Variants in FANCM observed in about 807,000 individuals in gnomAD.
FANCM encodes the protein FA complementation group M, also known as Fanconi anemia group M protein.
Under a neutral mutation model 199.5 loss-of-function variants are expected in FANCM, and 140 were observed. That is an observed-to-expected ratio of 0.70 (90% confidence interval 0.61 to 0.81). FANCM has a LOEUF of 0.81. FANCM is among the 30% of genes least tolerant of loss of function. FANCM has a pLI of 0.00. For synonymous variants in FANCM, 840 were observed against 836.8 expected (o/e 1.00, Z -0.07); for missense variants, 2,410 against 2,421.4 (o/e 1.00, Z 0.10).
At position 45,196,624 on chromosome 14, in the gene FANCM, T is replaced by G. The variant is rs996400146; in HGVS notation, c.5716+77T>G. On this transcript the variant is annotated intron_variant, in intron 21 of 22. Coordinates refer to ENST00000267430, the MANE Select transcript of FANCM (RefSeq NM_020937.4). The stretch of plus-strand genomic sequence containing the variant: ...TTAACTTAGTTTATTCTTCTATTAT[T>G]AGGATGTGGGAAACTCTTAAAATAT... The G allele has an allele frequency of 4.9e-6, 7 of 1,415,164 alleles. No individual in the cohort carries two copies. The Middle Eastern group carries it at 7.0e-4, about 142-fold the overall frequency. 87.7% of individuals were successfully genotyped at this position (1,415,164 alleles called of 1,614,324 possible).
chr14:45,156,875 G>A (rs925651474), intron 8 of FANCM, among the ~76,000 whole-genome samples: 2 of 134,194 alleles, frequency 1.5e-5, no homozygotes, highest in African/African-American at 5.9e-5. Flanking sequence ...CCAAGATTGC[G>A]CCACTGCACT....
chr14:45,188,876 A>C lies in FANCM; in HGVS notation c.4854A>C (p.Ser1618=). ...AAGAGGAGTCTTGCAAAGGCCAATCAAGTGAAGAAGAAGTTTGTGTTGATT... is the reference window on the plus strand; with the variant it reads ...AAGAGGAGTCTTGCAAAGGCCAATCCAGTGAAGAAGAAGTTTGTGTTGATT... ...VDEEESCKGQ[S]SEEEVCVDFN... The change falls in exon 20 of 23, where the codon TCA becomes TCC. Residue 1618 remains serine (S), a synonymous_variant. Transcript: ENST00000267430. The C allele has an allele frequency of 6.2e-7, 1 of 1,613,792 alleles. No homozygotes were observed. The highest frequency in any genetic ancestry group is 2.2e-5 in the East Asian group (1 of 44,844).
At chr14:45,139,272 A>G (rs750487843) in intron 2 of FANCM, among the ~76,000 whole-genome samples, 4 of 152,204 alleles carry the variant, frequency 2.6e-5, no homozygotes, top group African/African-American at 4.8e-5. Context: ...TTCATATGCA[A>G]TCTGTACCAT....
intron 12 of FANCM, among the ~76,000 whole-genome samples, chr14:45,172,725 G>T (rs1888419685): frequency 6.6e-6 from 1 of 152,110 alleles, no homozygotes; most frequent in Non-Finnish European, 1.5e-5. Context: ...ACTGATCAAA[G>T]GTTGTAGATG....
chr14:45,190,620 C>G (rs899619321), intron 20 of FANCM, among the ~76,000 whole-genome samples: 3 of 152,124 alleles, frequency 2.0e-5, no homozygotes, highest in African/African-American at 7.2e-5. Context: ...TTCTACTTCT[C>G]TTTATCCCCA....
Position 45,176,356 on chromosome 14 carries a change from T to G in FANCM, c.3602T>G (p.Phe1201Cys). 1 of 1,613,536 alleles carries G rather than the reference T, an allele frequency of 6.2e-7. No individual in the cohort carries two copies. Among genetic ancestry groups the G allele is most frequent in the African/African-American group, 1.3e-5 (1 of 75,058 alleles). ...QDQITRDANS[F>C]KSRDQRGVQE... ...CAAATCACCCGTGATGCTAATAGTTTTAAATCTCGTGATCAGAGAGGTGTA... is the reference window on the plus strand; with the variant it reads ...CAAATCACCCGTGATGCTAATAGTTGTAAATCTCGTGATCAGAGAGGTGTA... The change falls in exon 14 of 23, where the codon TTT (phenylalanine) becomes TGT (cysteine). Residue 1201 changes from phenylalanine (F) to cysteine (C), a missense_variant. Transcript: ENST00000267430.
rs1240774379 is a variant in FANCM, at chr14:45,159,252, A to T, written c.1553A>T (p.Lys518Met). The T allele has an allele frequency of 1.2e-6, 2 of 1,613,482 alleles. No homozygotes were observed. The highest frequency in any genetic ancestry group is 2.7e-5 in the African/African-American group (2 of 74,928). ...FVGHASGKSTKGFTQKEQLEV... is the reference protein window; with the variant it reads ...FVGHASGKSTMGFTQKEQLEV... ...GGCCATGCCTCAGGGAAAAGCACGA[A>T]GGGTTTTACCCAGAAGGAGCAACTG... Residue 518 changes from lysine to methionine, a missense_variant, in exon 9 of 23, where the codon AAG becomes ATG. Transcript: ENST00000267430.
At chr14:45,161,579 G>C (rs977920832) in intron 9 of FANCM, among the ~76,000 whole-genome samples, 1 of 152,086 alleles carries the variant, frequency 6.6e-6, no homozygotes, top group African/African-American at 2.4e-5. Flanking sequence ...AGGAGTTCGA[G>C]ACCAACTAGG....
At chr14:45,181,773 A>G (rs1224588282) in intron 16 of FANCM, 68 bp downstream of exon 16, 1 of 926,050 alleles carries the variant, frequency 1.1e-6, no homozygotes, top group Non-Finnish European at 1.7e-6. Flanking sequence ...AGAGAAATAT[A>G]TGTGTAGATA....
rs1888664392 is a variant in FANCM at position 45,176,015 on chromosome 14, A to T, written c.3261A>T (p.Lys1087Asn). 6.2e-7 allele frequency: 1 copy of T among 1,613,746 alleles called. No homozygotes were observed. Among genetic ancestry groups the T allele is most frequent in the Non-Finnish European group, 8.5e-7 (1 of 1,179,672 alleles). The part of the protein sequence containing the change: ...EPSLCDCDVH[K>N]HNQNENLVPN... ...GTCTCTGTGACTGTGATGTACATAA[A>T]CATAATCAAAATGAAAATTTAGTAC... The change falls in exon 14 of 23, where the codon AAA becomes AAT. Residue 1087 changes from lysine to asparagine, a missense_variant. Coordinates refer to ENST00000267430, the MANE Select transcript of FANCM (RefSeq NM_020937.4).
chr14:45,186,895 C>G (rs891913602), intron 18 of FANCM, among the ~76,000 whole-genome samples: 1 of 152,114 alleles, frequency 6.6e-6, no homozygotes, highest in Non-Finnish European at 1.5e-5. Context: ...TGAGAATGGC[C>G]TATAGGGGAA....
chr14:45,178,872 G>A (rs1888877551), intron 14 of FANCM, among the ~76,000 whole-genome samples: 1 of 152,094 alleles, frequency 6.6e-6, no homozygotes, highest in Non-Finnish European at 1.5e-5. Context: ...TAGAAGGCCT[G>A]TTGTTTGAGA....
chr14:45,136,603 C>G (rs1350811625), intron 1 of FANCM, 64 bp downstream of exon 1: 4 of 1,497,282 alleles, frequency 2.7e-6, no homozygotes, highest in Non-Finnish European at 3.7e-6. Flanking sequence ...TGGAATAGTT[C>G]CCAAGCTACA....
intron 20 of FANCM, among the ~76,000 whole-genome samples, chr14:45,195,183 A>G (rs1335998254): frequency 2.0e-5 from 3 of 152,206 alleles, no homozygotes; most frequent in Admixed American, 1.3e-4. Context: ...AGCAAAGTTG[A>G]AAGCATCTTT....
chr14:45,167,910 C>A (rs190501996), intron 11 of FANCM, among the ~76,000 whole-genome samples: 1 of 152,250 alleles, frequency 6.6e-6, no homozygotes, highest in East Asian at 1.9e-4. Context: ...TTGAATACCT[C>A]TGTTAATATA....
chr14:45,153,853 A>G (rs533575219), intron 5 of FANCM, 67 bp from the exon 6 acceptor site: 1 of 1,260,488 alleles, frequency 7.9e-7, no homozygotes, highest in African/African-American at 1.5e-5. Flanking sequence ...TGGCCTGACA[A>G]CTTGGGCATG....
chr14:45,177,977 A>G (rs1234905212), intron 14 of FANCM, among the ~76,000 whole-genome samples: 1 of 152,226 alleles, frequency 6.6e-6, no homozygotes, highest in East Asian at 1.9e-4. Flanking sequence ...AAACTAGATG[A>G]TATAGTGATA....
In FANCM at chr14:45,148,274, C is replaced by CT. The variant is rs896472863; in HGVS notation, c.760-553dup. On this transcript the variant is annotated intron_variant, in intron 3 of 22. Transcript: ENST00000267430. ...TTTTTACATACTCTCAGGATCCTCT[C>CT]TTTTTTTTTTCTTTTTAATTGTTAA... Among the ~76,000 whole-genome samples, 425 of 148,634 alleles carry CT rather than the reference C, an allele frequency of 2.9e-3. 1 individual carries two copies. The highest frequency in any genetic ancestry group is 3.9e-3 in the Non-Finnish European group (258 of 66,878).
intron 10 of FANCM, 135 bp from the exon 11 acceptor site, chr14:45,166,815 C>T (rs531271035): frequency 6.3e-5 from 40 of 633,062 alleles, no homozygotes; most frequent in Non-Finnish European, 1.1e-4. Flanking sequence ...AACAGAAGCT[C>T]CATTTTCTAA....
Sources: gnomAD v4.1 joint callset for allele counts (sites outside exome capture counted in the v4.1 genomes callset) on GRCh38, gnomAD v4.1.1 for gene constraint, MANE v1.5 for transcripts, NCBI Gene and HGNC (gene_info 2026-07-23, HGNC 2026-07-21) for gene names.